AREL1: variants seen among roughly 807,000 people sequenced by gnomAD.
AREL1 encodes the protein apoptosis resistant E3 ubiquitin protein ligase 1, also known as apoptosis-resistant E3 ubiquitin protein ligase 1.
AREL1 carries 62 observed loss-of-function variants against 99.0 expected under a neutral mutation model. The observed-to-expected ratio is 0.63, with a 90% CI of 0.51 to 0.77. The LOEUF is 0.77. Among genes scored for constraint, AREL1 ranks in the 30% least tolerant of loss-of-function variants. The pLI is 0.00. For missense variants in AREL1, 879 were observed against 1,027.6 expected (o/e 0.86, Z 1.98); for synonymous variants, 380 against 376.5 (o/e 1.01, Z -0.11).
At position 74,670,104 on chromosome 14, in the gene AREL1, G is replaced by C. The variant is rs1259586942; in HGVS notation, c.1631C>G (p.Pro544Arg). 3 of 1,611,132 alleles carry C rather than the reference G, an allele frequency of 1.9e-6. No homozygotes were observed. Among genetic ancestry groups the C allele is most frequent in the South Asian group, 1.1e-5 (1 of 90,756 alleles). ...QALVHPNPNR[P>R]AHLRLKMYEF... is the part of the protein sequence containing the mutation. ...ATACATTTTCAGGCGCAGATGAGCG[G>C]GGCGATTAGGGTTGGGATGCACCTG... is the stretch of plus-strand genomic sequence containing the variant. Residue 544 changes from proline (P) to arginine (R), a missense_variant, in exon 14 of 20, where the codon CCC becomes CGC. Coordinates refer to ENST00000356357, the MANE Select transcript of AREL1 (RefSeq NM_001039479.2).
chr14:74,711,409 C>T (rs2090284297), intron 1 of AREL1, among the ~76,000 whole-genome samples: 1 of 144,460 alleles, frequency 6.9e-6, no homozygotes, highest in African/African-American at 2.6e-5. Flanking sequence ...TATGGTGGCA[C>T]ACACATGCCT....
At chr14:74,697,363 G>A (rs1265296904) in intron 1 of AREL1, among the ~76,000 whole-genome samples, 2 of 152,072 alleles carry the variant, frequency 1.3e-5, no homozygotes, top group African/African-American at 4.8e-5. Context: ...TGAGTCCAGG[G>A]ACATGAACTT....
rs535710743 is a variant in AREL1 at position 74,673,839 on chromosome 14, A to T, written c.1158+195T>A. ...GCTGCTAATTCCTGTTTCTGTAGGC[A>T]TGCGTCCTTCCAGAATTTATATATT... is the stretch of plus-strand genomic sequence containing the variant. On this transcript the variant is annotated intron_variant, in intron 9 of 19. Coordinates refer to ENST00000356357, the MANE Select transcript of AREL1 (RefSeq NM_001039479.2). Among the ~76,000 whole-genome samples the T allele has an allele frequency of 1.6e-4, 24 of 152,238 alleles. 1 individual carries two copies. Among genetic ancestry groups the T allele is most frequent in the Non-Finnish European group, 3.4e-4 (23 of 68,038 alleles).
chr14:74,688,247 G>A (rs976290653), intron 2 of AREL1, among the ~76,000 whole-genome samples: 6 of 151,740 alleles, frequency 4.0e-5, no homozygotes, highest in African/African-American at 7.3e-5. Flanking sequence ...GGATGGTCTC[G>A]ATCTCATGAC....
chr14:74,699,100 A>C (rs2090030470), intron 1 of AREL1, among the ~76,000 whole-genome samples: 1 of 152,188 alleles, frequency 6.6e-6, no homozygotes, highest in Non-Finnish European at 1.5e-5. Context: ...AAGAGCATGA[A>C]TCTTACTACT....
At position 74,684,683 on chromosome 14, in the gene AREL1, A is replaced by G; in HGVS notation, c.17-3T>C. On this transcript the variant is annotated splice_polypyrimidine_tract_variant and splice_region_variant and intron_variant, in intron 3 of 19. Transcript: ENST00000356357. ...AACCACAGACACTGTGATTCCACCT[A>G]TGCAAAAGAGAGAACACACAAACCG... 1.9e-6 allele frequency: 3 copies of G among 1,613,590 alleles called. No individual in the cohort carries two copies. The highest frequency in any genetic ancestry group is 2.5e-6 in the Non-Finnish European group (3 of 1,179,628).
intron 1 of AREL1, among the ~76,000 whole-genome samples, chr14:74,692,867 C>T (rs539803493): frequency 2.0e-5 from 3 of 152,146 alleles, no homozygotes; most frequent in African/African-American, 7.2e-5. Context: ...CCACACCTGG[C>T]TAATTTTTTA....
At chr14:74,674,875 G>A (rs1373952741) in intron 8 of AREL1, among the ~76,000 whole-genome samples, 4 of 152,142 alleles carry the variant, frequency 2.6e-5, no homozygotes, top group Non-Finnish European at 4.4e-5. Context: ...GCCAGGGAAG[G>A]GAGGCAAGAT....
chr14:74,661,427 G>A lies in AREL1; in HGVS notation c.*2293C>T. The A allele has an allele frequency of 2.4e-6, 1 of 412,126 alleles. No homozygotes were observed. Among genetic ancestry groups the A allele is most frequent in the South Asian group, 1.7e-5 (1 of 57,944 alleles). 25.5% of individuals were successfully genotyped at this position (412,126 alleles called of 1,614,324 possible). A position where few individuals can be genotyped will look rare whatever the true frequency, so the allele number is the denominator to read the frequency against. On this transcript the variant is annotated 3_prime_UTR_variant, in exon 20 of 20. Transcript: ENST00000356357. The stretch of plus-strand genomic sequence containing the variant: ...TCACTCATGTCTGGTCTCCTTCAAA[G>A]ACGCTAAAAGGCCAGAAGGGTAGCT...
intron 5 of AREL1, among the ~76,000 whole-genome samples, chr14:74,678,653 C>T (rs1357964099): frequency 1.4e-5 from 2 of 140,338 alleles, no homozygotes; most frequent in African/African-American, 5.3e-5. Context: ...AATGAAAGAT[C>T]ACCTTTCCAA....
chr14:74,695,644 C>T (rs573890998), intron 1 of AREL1, among the ~76,000 whole-genome samples: 1 of 152,276 alleles, frequency 6.6e-6, no homozygotes, highest in African/African-American at 2.4e-5. Flanking sequence ...CTTTGTGGTG[C>T]TCCTCTGCTG....
At chr14:74,689,770 A>G (rs929599932) in intron 2 of AREL1, among the ~76,000 whole-genome samples, 14 of 150,664 alleles carry the variant, frequency 9.3e-5, no homozygotes, top group Non-Finnish European at 3.0e-5. Flanking sequence ...CTAATTTTGT[A>G]TTTTTAGTAG....
At chr14:74,665,223 G>C (rs1031876541) in intron 17 of AREL1, among the ~76,000 whole-genome samples, 1 of 151,432 alleles carries the variant, frequency 6.6e-6, no homozygotes, top group Non-Finnish European at 1.5e-5. Flanking sequence ...AACAGGTTAT[G>C]AGCTTATACA....
intron 5 of AREL1, among the ~76,000 whole-genome samples, chr14:74,677,500 C>CTTTTTTTTTTTTTTT (rs58383006): frequency 1.6e-5 from 1 of 63,120 alleles, no homozygotes; most frequent in Non-Finnish European, 3.0e-5. Flanking sequence ...TGTCTCTCTC[C>CTTTTTTTTTTTTTTT]TTTTTTTTTT....
At chr14:74,699,389 G>C (rs958246769) in intron 1 of AREL1, among the ~76,000 whole-genome samples, 1 of 151,862 alleles carries the variant, frequency 6.6e-6, no homozygotes, top group Non-Finnish European at 1.5e-5. Context: ...GAGAGAGAGA[G>C]AGAGAGCAAG....
intron 17 of AREL1, among the ~76,000 whole-genome samples, chr14:74,665,379 C>G (rs11629377): frequency 6.6e-6 from 1 of 151,528 alleles, no homozygotes; most frequent in Non-Finnish European, 1.5e-5. Context: ...TCCTGAGTAG[C>G]TGGGATTACA....
In AREL1 at chr14:74,669,635, G is replaced by C. The variant is rs368988876; in HGVS notation, c.1914+14C>G. 8.1e-6 allele frequency: 13 copies of C among 1,612,982 alleles called. No homozygotes were observed. Among genetic ancestry groups the C allele is most frequent in the Non-Finnish European group, 1.1e-5 (13 of 1,179,572 alleles). ...GGAGAACATAGGACCCAGAGGCTTT[G>C]TCCTCTTTCTCACCTTATCCAATTG... On this transcript the variant is annotated intron_variant, in intron 15 of 19. Transcript: ENST00000356357.
rs1015759618 is a variant in AREL1 at position 74,683,242 on chromosome 14, G to C, written c.481+54C>G. The C allele has an allele frequency of 1.3e-5, 16 of 1,269,506 alleles. No homozygotes were observed. The African/African-American group carries it at 1.8e-4, about 14-fold the overall frequency. 78.6% of individuals were successfully genotyped at this position (1,269,506 alleles called of 1,614,324 possible). On this transcript the variant is annotated intron_variant, in intron 5 of 19. Coordinates refer to ENST00000356357, the MANE Select transcript of AREL1 (RefSeq NM_001039479.2). ...ATTTTTAAAAAGGAAAGACAGGATG[G>C]AAAGAGAGAGAGGGAAGGAGACAAA...
intron 17 of AREL1, among the ~76,000 whole-genome samples, chr14:74,666,583 T>C (rs1452698899): frequency 6.6e-6 from 1 of 152,192 alleles, no homozygotes; most frequent in East Asian, 1.9e-4. Flanking sequence ...TGGAACTTTG[T>C]CTTATTCGTT....
Sources: gnomAD v4.1 joint callset for allele counts (sites outside exome capture counted in the v4.1 genomes callset) on GRCh38, gnomAD v4.1.1 for gene constraint, MANE v1.5 for transcripts, NCBI Gene and HGNC (gene_info 2026-07-23, HGNC 2026-07-21) for gene names.